The following STK33 variants were observed in gnomAD, a reference collection of about 807,000 sequenced individuals.
STK33 encodes the protein serine/threonine kinase 33, also known as serine/threonine-protein kinase 33.
A neutral mutation model predicts 58.0 loss-of-function variants in STK33; 52 were observed. That is an observed-to-expected ratio of 0.90 (90% CI 0.72 to 1.13). STK33 has a LOEUF of 1.13. Ranked by LOEUF, STK33 falls within the 50% of genes most tolerant of loss-of-function variation. STK33 has a pLI of 0.00. For synonymous variants in STK33, 215 were observed against 200.1 expected (o/e 1.07, Z -0.63); for missense variants, 630 against 604.2 (o/e 1.04, Z -0.45).
chr11:8,489,417 A>G (rs961174779), intron 1 of STK33, among the ~76,000 whole-genome samples: 3 of 152,178 alleles, frequency 2.0e-5, no homozygotes, highest in African/African-American at 7.2e-5. Context: ...AGGCTGAATA[A>G]TTTCTAAAGA....
intron 14 of STK33, among the ~76,000 whole-genome samples, chr11:8,434,610 G>A (rs1943836141): frequency 1.9e-5 from 1 of 51,890 alleles, no homozygotes; most frequent in Admixed American, 2.7e-4. Context: ...GGATTCACAT[G>A]GCAGCTCTGT....
intron 1 of STK33, among the ~76,000 whole-genome samples, chr11:8,556,748 T>G (rs923513653): frequency 6.6e-6 from 1 of 152,322 alleles, no homozygotes; most frequent in East Asian, 1.9e-4. Context: ...CACTAGACTG[T>G]GAGGGGAAAG....
chr11:8,403,132 G>A (rs1464735493), intron 15 of STK33, among the ~76,000 whole-genome samples: 1 of 152,194 alleles, frequency 6.6e-6, no homozygotes, highest in East Asian at 1.9e-4. Flanking sequence ...TTATGAGACT[G>A]TTGGGCATAT....
chr11:8,549,863 C>T (rs533424384), intron 1 of STK33, among the ~76,000 whole-genome samples: 175 of 152,088 alleles, frequency 1.2e-3, no homozygotes, highest in African/African-American at 4.0e-3. Context: ...GGTCTTCTCT[C>T]TTTTTTCTTA....
chr11:8,581,873 A>G (rs1051271766), intron 1 of STK33, among the ~76,000 whole-genome samples: 1 of 152,232 alleles, frequency 6.6e-6, no homozygotes, highest in African/African-American at 2.4e-5. Flanking sequence ...TTCTTCAGGA[A>G]GATGGATTTC....
chr11:8,476,288 C>A (rs1949265508), intron 4 of STK33, among the ~76,000 whole-genome samples: 1 of 152,044 alleles, frequency 6.6e-6, no homozygotes, highest in South Asian at 2.1e-4. Context: ...TATTCTTAAA[C>A]CTTTATTAAA....
chr11:8,449,049 C>A (rs1945910733), intron 11 of STK33, among the ~76,000 whole-genome samples: 1 of 151,660 alleles, frequency 6.6e-6, no homozygotes, highest in Admixed American at 6.6e-5. Context: ...TCATCACTGG[C>A]CATCAGAGAA....
chr11:8,450,247 T>C (rs932537636), intron 11 of STK33, among the ~76,000 whole-genome samples: 5 of 152,208 alleles, frequency 3.3e-5, no homozygotes, highest in African/African-American at 4.8e-5. Context: ...TGAGTTCATG[T>C]CCTTTGCAGG....
intron 1 of STK33, among the ~76,000 whole-genome samples, chr11:8,571,218 G>A (rs1428616582): frequency 5.9e-5 from 9 of 152,256 alleles, no homozygotes; most frequent in South Asian, 2.1e-4. Flanking sequence ...CATGAGTCTC[G>A]GCTAAGAGCT....
At chr11:8,558,994 C>A (rs1449321147) in intron 1 of STK33, among the ~76,000 whole-genome samples, 2 of 152,136 alleles carry the variant, frequency 1.3e-5, no homozygotes, top group African/African-American at 4.8e-5. Flanking sequence ...TGAAGAATCA[C>A]AGACTCTCTA....
chr11:8,362,195 G>A, the STK33 span, among the ~76,000 whole-genome samples: 3 of 152,182 alleles, frequency 2.0e-5, no homozygotes, highest in Non-Finnish European at 2.9e-5. Flanking sequence ...ATCGGCAACC[G>A]AGAGCCAGTC....
At chr11:8,574,367 T>A (rs1958034128) in intron 1 of STK33, among the ~76,000 whole-genome samples, 2 of 152,140 alleles carry the variant, frequency 1.3e-5, no homozygotes, top group Admixed American at 1.3e-4. Context: ...AAACATTTTG[T>A]AAATCTGTAA....
chr11:8,501,401 A>G (rs1328462258), intron 1 of STK33, among the ~76,000 whole-genome samples: 1 of 152,228 alleles, frequency 6.6e-6, no homozygotes, highest in Non-Finnish European at 1.5e-5. Context: ...TTCCCAAAGA[A>G]AATATACAAA....
At chr11:8,583,886 T>C (rs1277800742) in intron 1 of STK33, among the ~76,000 whole-genome samples, 1 of 152,138 alleles carries the variant, frequency 6.6e-6, no homozygotes, top group Non-Finnish European at 1.5e-5. Flanking sequence ...AAAATTAGTC[T>C]GTAAAACAGA....
chr11:8,404,757 C>CT (rs1938778354), intron 15 of STK33, among the ~76,000 whole-genome samples: 1 of 152,150 alleles, frequency 6.6e-6, no homozygotes, highest in Non-Finnish European at 1.5e-5. Flanking sequence ...TTTGGGGCTG[C>CT]TTATACATAA....
chr11:8,452,214 C>G (rs1362725429), intron 11 of STK33, among the ~76,000 whole-genome samples: 1 of 151,744 alleles, frequency 6.6e-6, no homozygotes, highest in Non-Finnish European at 1.5e-5. Context: ...AAAAAAAAAG[C>G]AAACAAGCAA....
intron 14 of STK33, among the ~76,000 whole-genome samples, chr11:8,424,159 C>A (rs973091277): frequency 1.4e-5 from 2 of 144,212 alleles, no homozygotes; most frequent in African/African-American, 5.1e-5. Context: ...CCACAACAGG[C>A]CCCGGTGTGT....
At chr11:8,373,485 G>A in the STK33 span, among the ~76,000 whole-genome samples, 14 of 152,286 alleles carry the variant, frequency 9.2e-5, no homozygotes, top group African/African-American at 2.9e-4. Context: ...CGAGGAAGAC[G>A]ATGAGGGTGC....
intron 9 of STK33, among the ~76,000 whole-genome samples, chr11:8,456,435 A>C (rs563553253): frequency 6.6e-6 from 1 of 152,250 alleles, no homozygotes; most frequent in African/African-American, 2.4e-5. Context: ...CACCAGCCCA[A>C]GTTCCTTGGA....
Sources: allele counts gnomAD v4.1 joint callset (sites outside exome capture counted in the v4.1 genomes callset), GRCh38; gene constraint gnomAD v4.1.1; transcripts MANE v1.5; gene names NCBI Gene and HGNC (gene_info 2026-07-23, HGNC 2026-07-21).